The following ATXN7L1 variants were observed in gnomAD, a reference collection of about 807,000 sequenced individuals.
ATXN7L1 encodes ataxin-7-like protein 1.
In ATXN7L1, 15 loss-of-function variants were observed where a neutral mutation model predicts 70.8. That is an observed-to-expected ratio of 0.21 (90% CI 0.14 to 0.33). The LOEUF (loss-of-function observed/expected upper bound fraction) is 0.33. ATXN7L1 is among the 10% of genes least tolerant of loss of function. ATXN7L1 has a pLI of 1.00. For missense variants in ATXN7L1, 975 were observed against 1,097.1 expected, an observed-to-expected ratio of 0.89 and a Z score of 1.57; for synonymous variants, 440 against 445.1, an observed-to-expected ratio of 0.99 and a Z score of 0.14.
chr7:105,626,318 T>C (rs894761458), intron 7 of ATXN7L1, among the ~76,000 whole-genome samples: 7 of 152,182 alleles, frequency 4.6e-5, no homozygotes, highest in African/African-American at 1.4e-4. Context: ...ATGAGATACC[T>C]AGACAGAAAG....
At chr7:105,625,028 G>A (rs1290791676) in intron 7 of ATXN7L1, among the ~76,000 whole-genome samples, 1 of 152,056 alleles carries the variant, frequency 6.6e-6, no homozygotes, top group African/African-American at 2.4e-5. Flanking sequence ...ACAAGATCAG[G>A]GCAATCACCA....
intron 2 of ATXN7L1, among the ~76,000 whole-genome samples, chr7:105,840,437 T>C (rs1229746584): frequency 6.6e-6 from 1 of 152,178 alleles, no homozygotes; most frequent in Non-Finnish European, 1.5e-5. Context: ...AAATGATGCC[T>C]GCCTGGGGCC....
At chr7:105,665,364 AACACACAACAGGCGG>A (rs1802456915) in intron 3 of ATXN7L1, 76 bp from the exon 4 acceptor site, 2 of 1,200,844 alleles carry the variant, frequency 1.7e-6, no homozygotes. Flanking sequence ...CATACACTCA[AACACACAACAGGCGG>A]AGAGAAGCGC....
At chr7:105,615,813 G>C (rs1289646545) in intron 9 of ATXN7L1, among the ~76,000 whole-genome samples, 1 of 152,092 alleles carries the variant, frequency 6.6e-6, no homozygotes, top group African/African-American at 2.4e-5. Flanking sequence ...GAGGCTGGGG[G>C]GTACCTCAGA....
In ATXN7L1 at chr7:105,713,090, G is replaced by C. The variant is rs113598715; in HGVS notation, c.356-47802C>G. 2.0e-5 allele frequency among the ~76,000 whole-genome samples: 3 copies of C among 152,344 alleles called. No individual in the cohort carries two copies. In the South Asian group the frequency reaches 6.2e-4, roughly 32 times the overall value. Reference sequence around the variant, plus strand: ...GAAGCAAGCACATCTTACCGTGGCAGAGCAGGAGAGAGAGTGATGGGGGAA... The same window carrying C: ...GAAGCAAGCACATCTTACCGTGGCACAGCAGGAGAGAGAGTGATGGGGGAA... On this transcript the variant is annotated intron_variant, in intron 3 of 11. Transcript: ENST00000419735.
At chr7:105,815,801 T>G (rs936882611) in intron 2 of ATXN7L1, among the ~76,000 whole-genome samples, 1 of 152,142 alleles carries the variant, frequency 6.6e-6, no homozygotes, top group Non-Finnish European at 1.5e-5. Flanking sequence ...GAATCACAAG[T>G]CTAGGCTGGA....
chr7:105,703,495 T>G (rs967873756), intron 3 of ATXN7L1, among the ~76,000 whole-genome samples: 1 of 152,248 alleles, frequency 6.6e-6, no homozygotes, highest in Admixed American at 6.5e-5. Flanking sequence ...TATCCATATT[T>G]GGTCCAACAT....
intron 2 of ATXN7L1, among the ~76,000 whole-genome samples, chr7:105,809,096 C>T (rs1260143394): frequency 1.3e-5 from 2 of 152,216 alleles, no homozygotes; most frequent in Non-Finnish European, 2.9e-5. Context: ...TAATGCCTGA[C>T]TTGGAGCAGG....
At chr7:105,664,514 A>G (rs919508616) in intron 4 of ATXN7L1, among the ~76,000 whole-genome samples, 5 of 144,280 alleles carry the variant, frequency 3.5e-5, no homozygotes, top group Admixed American at 2.8e-4. Context: ...TGTATAATAT[A>G]TATATACATA....
At chr7:105,703,927 C>T (rs1001182897) in intron 3 of ATXN7L1, among the ~76,000 whole-genome samples, 6 of 152,178 alleles carry the variant, frequency 3.9e-5, no homozygotes, top group South Asian at 2.1e-4. Flanking sequence ...TGTCAATAAA[C>T]GTTTGTTTGA....
At chr7:105,858,087 G>C (rs11765824) in intron 2 of ATXN7L1, among the ~76,000 whole-genome samples, 1 of 152,044 alleles carries the variant, frequency 6.6e-6, no homozygotes, top group South Asian at 2.1e-4. Context: ...AAAAGTTGGT[G>C]TGGTGTGGTA....
rs1794547351 is a variant in ATXN7L1 at position 105,619,518 on chromosome 7, ATATATATATATATTTTTTTTTTTT to A, written c.1517+658_1517+681del. Among the ~76,000 whole-genome samples the A allele has an allele frequency of 2.4e-4, 7 of 28,894 alleles. 1 individual carries two copies. Among genetic ancestry groups the A allele is most frequent in the Admixed American group, 1.3e-3 (3 of 2,374 alleles). 19.0% of individuals were successfully genotyped at this position (28,894 alleles called of 152,430 possible). ...AGCATATATATATATATATATATAT[ATATATATATATATTTTTTTTTTTT>A]TTTTTTTTTTTTTTTTTTTTTTTTT... On this transcript the variant is annotated intron_variant, in intron 9 of 11. Coordinates refer to ENST00000419735, the MANE Select transcript of ATXN7L1 (RefSeq NM_020725.2).
intron 3 of ATXN7L1, among the ~76,000 whole-genome samples, chr7:105,739,364 G>C (rs1797759958): frequency 6.6e-6 from 1 of 152,242 alleles, no homozygotes; most frequent in Non-Finnish European, 1.5e-5. Context: ...ATCCTCAGGT[G>C]AGTTGCATGT....
chr7:105,812,962 C>T (rs1383728856), intron 2 of ATXN7L1, among the ~76,000 whole-genome samples: 2 of 152,058 alleles, frequency 1.3e-5, no homozygotes, highest in East Asian at 3.9e-4. Context: ...TGATTGCGCC[C>T]CTGTACTCCA....
intron 7 of ATXN7L1, among the ~76,000 whole-genome samples, chr7:105,635,833 C>G (rs987990471): frequency 6.7e-6 from 1 of 150,108 alleles, no homozygotes; most frequent in Non-Finnish European, 1.5e-5. Context: ...AAATTCCATT[C>G]ATGTGCGATA....
intron 3 of ATXN7L1, among the ~76,000 whole-genome samples, chr7:105,743,263 A>G (rs568978372): frequency 5.9e-5 from 9 of 152,332 alleles, no homozygotes; most frequent in East Asian, 1.9e-4. Context: ...GAATGATTAC[A>G]TATCTGTGCC....
intron 3 of ATXN7L1, among the ~76,000 whole-genome samples, chr7:105,680,791 A>T (rs1377958280): frequency 2.0e-5 from 3 of 152,206 alleles, no homozygotes; most frequent in Admixed American, 2.0e-4. Flanking sequence ...TGGGAACCTG[A>T]GTCTTTCCAG....
intron 8 of ATXN7L1, among the ~76,000 whole-genome samples, chr7:105,622,147 C>T (rs972295517): frequency 1.3e-5 from 2 of 152,220 alleles, no homozygotes; most frequent in Non-Finnish European, 2.9e-5. Context: ...AATGTATCAA[C>T]TGGCCATGAG....
At chr7:105,859,019 C>G (rs1344367315) in intron 2 of ATXN7L1, among the ~76,000 whole-genome samples, 1 of 151,508 alleles carries the variant, frequency 6.6e-6, no homozygotes, top group Non-Finnish European at 1.5e-5. Flanking sequence ...ATAACAGGAT[C>G]TAGTTTGAAA....
Sources: gnomAD v4.1 joint callset for allele counts (sites outside exome capture counted in the v4.1 genomes callset) on GRCh38, gnomAD v4.1.1 for gene constraint, MANE v1.5 for transcripts, NCBI Gene and HGNC (gene_info 2026-07-23, HGNC 2026-07-21) for gene names.